C1orf146: variants seen among roughly 807,000 people sequenced by gnomAD.
C1orf146 encodes protein SPO16 homolog.
C1orf146 carries 22 observed loss-of-function variants against 23.0 expected under a neutral mutation model. The ratio of observed to expected loss-of-function variants is 0.96; its 90% confidence interval spans 0.68 to 1.36. The LOEUF (loss-of-function observed/expected upper bound fraction) is 1.36. Ranked by LOEUF, C1orf146 falls within the 40% of genes most tolerant of loss-of-function variation. C1orf146 has a pLI of 0.00. For synonymous variants in C1orf146, 59 were observed against 65.3 expected, an observed-to-expected ratio of 0.90 and a Z score of 0.47; for missense variants, 199 against 206.8, an observed-to-expected ratio of 0.96 and a Z score of 0.23.
At chr1:92,222,443 A>G (rs1182859913) in intron 1 of C1orf146, among the ~76,000 whole-genome samples, 2 of 151,098 alleles carry the variant, frequency 1.3e-5, no homozygotes, top group Non-Finnish European at 2.9e-5. Flanking sequence ...CTGTGAAACA[A>G]TTACTACAAT....
chr1:92,229,251 G>A (rs1652049109), intron 1 of C1orf146: 1 of 556,818 alleles, frequency 1.8e-6, no homozygotes, highest in East Asian at 4.7e-5. Flanking sequence ...GGACAGCACT[G>A]TGTTGGCGTA....
intron 1 of C1orf146, among the ~76,000 whole-genome samples, chr1:92,226,246 T>A (rs1236842226): frequency 6.6e-6 from 1 of 152,080 alleles, no homozygotes; most frequent in East Asian, 1.9e-4. Flanking sequence ...GACTTCTAAA[T>A]TTTTTTTGTT....
chr1:92,237,337 A>C (rs1450112445), intron 2 of C1orf146, among the ~76,000 whole-genome samples: 1 of 152,158 alleles, frequency 6.6e-6, no homozygotes, highest in African/African-American at 2.4e-5. Flanking sequence ...CAGGACCCTC[A>C]GTTGCAGGTC....
Position 92,222,110 on chromosome 1 carries a change from G to A in C1orf146, c.-40+4062G>A, listed in dbSNP as rs1232053632. ...AAAAAAATCAGCCAGGCGTGGTGGC[G>A]CACACCTGTGGTCCCAGCTACTTGG... On this transcript the variant is annotated intron_variant, in intron 1 of 5. Transcript: ENST00000370375. Among the ~76,000 whole-genome samples, 5 of 152,126 alleles carry A rather than the reference G, an allele frequency of 3.3e-5. No homozygotes were observed. The South Asian group carries it at 6.2e-4, about 19-fold the overall frequency.
At chr1:92,235,006 T>C (rs1329378865) in intron 2 of C1orf146, among the ~76,000 whole-genome samples, 8 of 152,346 alleles carry the variant, frequency 5.3e-5, no homozygotes, top group Middle Eastern at 3.4e-3. Context: ...CTCTCTTTTT[T>C]TCTTTTAGTC....
intron 2 of C1orf146, among the ~76,000 whole-genome samples, chr1:92,236,379 G>C (rs1256270724): frequency 6.6e-6 from 1 of 152,062 alleles, no homozygotes; most frequent in Non-Finnish European, 1.5e-5. Flanking sequence ...GCGTAGTTTG[G>C]CTGGATATGA....
At chr1:92,222,647 C>T (rs557533431) in intron 1 of C1orf146, among the ~76,000 whole-genome samples, 8 of 144,290 alleles carry the variant, frequency 5.5e-5, no homozygotes, top group African/African-American at 1.8e-4. Flanking sequence ...AGTGCAGTGG[C>T]GCCATCTTGG....
chr1:92,231,567 T>G (rs1557487830), intron 2 of C1orf146, 81 bp downstream of exon 2: 2 of 886,004 alleles, frequency 2.3e-6, no homozygotes. Flanking sequence ...TTTAAAAGGT[T>G]CTTAGCTTAA....
At chr1:92,234,238 C>G (rs889825221) in intron 2 of C1orf146, among the ~76,000 whole-genome samples, 39 of 143,938 alleles carry the variant, frequency 2.7e-4, no homozygotes, top group African/African-American at 8.7e-4. Context: ...TATGATATTG[C>G]CTGTGGGTTT....
chr1:92,244,734 A>T (rs370445175), intron 4 of C1orf146, 45 bp from the exon 5 acceptor site: 29 of 1,214,906 alleles, frequency 2.4e-5, no homozygotes, highest in Non-Finnish European at 3.5e-5. Context: ...AAGAGAACAG[A>T]TGTCAGCAAG....
chr1:92,241,127 T>C (rs1652421084), intron 2 of C1orf146, among the ~76,000 whole-genome samples: 3 of 151,752 alleles, frequency 2.0e-5, no homozygotes, highest in South Asian at 4.1e-4. Flanking sequence ...TTAAGAAATA[T>C]ACAACCACCT....
chr1:92,229,953 C>T (rs1652070173), intron 1 of C1orf146, among the ~76,000 whole-genome samples: 3 of 152,196 alleles, frequency 2.0e-5, no homozygotes, highest in African/African-American at 4.8e-5. Flanking sequence ...TTTCATGCTA[C>T]TAAGTTTATG....
intron 5 of C1orf146, among the ~76,000 whole-genome samples, chr1:92,245,210 ACTTT>A (rs1213527394): frequency 6.6e-6 from 1 of 152,172 alleles, no homozygotes; most frequent in Non-Finnish European, 1.5e-5. Context: ...CCAATTGTCT[ACTTT>A]CTTTTCTTGC....
Position 92,244,344 on chromosome 1 carries a change from T to C in C1orf146, c.288T>C (p.His96=). 6.2e-7 allele frequency: 1 copy of C among 1,612,858 alleles called. No homozygotes were observed. Among genetic ancestry groups the C allele is most frequent in the Non-Finnish European group, 8.5e-7 (1 of 1,179,440 alleles). ...NSFLVLSAAL[H]GPEEWKLMFR... Reference sequence around the variant, plus strand: ...TTTTGGTTTTGTCTGCTGCCCTCCATGGGCCTGAAGAATGGAAACTGATGT... The same window carrying C: ...TTTTGGTTTTGTCTGCTGCCCTCCACGGGCCTGAAGAATGGAAACTGATGT... The change falls in exon 4 of 6, where the codon CAT becomes CAC. Residue 96 remains histidine, a synonymous_variant. Coordinates refer to ENST00000370375, the MANE Select transcript of C1orf146 (RefSeq NM_001012425.2).
At chr1:92,223,816 G>C (rs1651895248) in intron 1 of C1orf146, among the ~76,000 whole-genome samples, 1 of 152,002 alleles carries the variant, frequency 6.6e-6, no homozygotes, top group African/African-American at 2.4e-5. Context: ...TTACAGGCCT[G>C]AGCCACCATG....
chr1:92,218,621 C>T (rs983698861), intron 1 of C1orf146, among the ~76,000 whole-genome samples: 14 of 152,092 alleles, frequency 9.2e-5, no homozygotes, highest in African/African-American at 2.7e-4. Context: ...ATAGGTTAAA[C>T]TCGTGTCACG....
intron 1 of C1orf146, among the ~76,000 whole-genome samples, chr1:92,218,539 C>A (rs369660290): frequency 6.6e-6 from 1 of 152,090 alleles, no homozygotes; most frequent in South Asian, 2.1e-4. Flanking sequence ...GGCCACTGGG[C>A]CCACGCTTTT....
intron 1 of C1orf146, among the ~76,000 whole-genome samples, chr1:92,222,535 G>GTTT: frequency 5.1e-4 from 31 of 60,554 alleles, no homozygotes; most frequent in African/African-American, 9.3e-4. Flanking sequence ...CCCTTCTTCG[G>GTTT]TTTTTTTTTT....
At chr1:92,220,093 T>C (rs1445449327) in intron 1 of C1orf146, among the ~76,000 whole-genome samples, 1 of 152,210 alleles carries the variant, frequency 6.6e-6, no homozygotes, top group Non-Finnish European at 1.5e-5. Context: ...TTGTTTGTTT[T>C]TGTTTTTAAG....
Sources: gnomAD v4.1 joint callset for allele counts (sites outside exome capture counted in the v4.1 genomes callset) on GRCh38, gnomAD v4.1.1 for gene constraint, MANE v1.5 for transcripts, NCBI Gene and HGNC (gene_info 2026-07-23, HGNC 2026-07-21) for gene names.